Variants in RAB28 observed in about 807,000 individuals in gnomAD.
RAB28 encodes the protein RAB28, member RAS oncogene family, also known as ras-related protein Rab-28.
Under a neutral mutation model 31.7 loss-of-function variants are expected in RAB28, and 24 were observed. That is an observed-to-expected ratio of 0.76 (90% CI 0.55 to 1.06). The LOEUF is 1.06. RAB28 is among the 50% of genes least tolerant of loss of function. The probability of loss-of-function intolerance (pLI) is 0.00; values close to 1 mark genes in which losing one functional copy is unlikely to be tolerated. For synonymous variants in RAB28, 100 were observed against 90.4 expected, an observed-to-expected ratio of 1.11 and a Z score of -0.60; for missense variants, 254 against 258.5, an observed-to-expected ratio of 0.98 and a Z score of 0.12.
chr4:13,369,061 T>C (rs1728618979), intron 6 of RAB28, among the ~76,000 whole-genome samples: 1 of 152,130 alleles, frequency 6.6e-6, no homozygotes, highest in Admixed American at 6.6e-5. Context: ...CATAAGCCAT[T>C]ATATTTAGCG....
chr4:13,479,813 A>G (rs929681387), intron 1 of RAB28, among the ~76,000 whole-genome samples: 1 of 151,424 alleles, frequency 6.6e-6, no homozygotes, highest in African/African-American at 2.4e-5. Flanking sequence ...GAGAGTTATC[A>G]ACAGAAAAAA....
At chr4:13,403,320 T>C (rs923991380) in intron 4 of RAB28, among the ~76,000 whole-genome samples, 5 of 152,202 alleles carry the variant, frequency 3.3e-5, no homozygotes, top group African/African-American at 4.8e-5. Flanking sequence ...TAGCAGGTCA[T>C]AGAAAAACAG....
intron 6 of RAB28, among the ~76,000 whole-genome samples, chr4:13,373,264 G>A (rs892517404): frequency 2.0e-5 from 3 of 151,150 alleles, no homozygotes; most frequent in Non-Finnish European, 2.9e-5. Flanking sequence ...AAAGGTCTAT[G>A]TACTTTGCAA....
chr4:13,375,461 T>A (rs1728881557), intron 6 of RAB28, among the ~76,000 whole-genome samples: 1 of 152,088 alleles, frequency 6.6e-6, no homozygotes, highest in Non-Finnish European at 1.5e-5. Context: ...ACAGAGAAGC[T>A]AAAAAGCAAA....
Position 13,371,461 on chromosome 4 carries a change from C to T in RAB28, c.574-2811G>A, listed in dbSNP as rs1278662568. On this transcript the variant is annotated intron_variant, in intron 6 of 6. Transcript: ENST00000330852. ...TTTAAGTCTTATCCTATAAACACAACCAGATTACTGTCCTGTGCTCAAAAC... is the reference window on the plus strand; with the variant it reads ...TTTAAGTCTTATCCTATAAACACAATCAGATTACTGTCCTGTGCTCAAAAC... The T allele has an allele frequency of 4.1e-6, 4 of 985,184 alleles. No homozygotes were observed. In the African/African-American group the frequency reaches 7.0e-5, roughly 17 times the overall value. The allele number at this position is 985,184 out of a possible 1,614,324, so 61.0% of individuals were successfully genotyped here.
intron 3 of RAB28, among the ~76,000 whole-genome samples, chr4:13,464,205 C>T (rs912887289): frequency 6.6e-6 from 1 of 152,020 alleles, no homozygotes. Context: ...ATGGATATAC[C>T]ACCAGATTCC....
rs2108982339 is a variant in RAB28 at position 13,484,209 on chromosome 4, T to C, written c.-59A>G. 1 of 1,311,378 alleles carries C rather than the reference T, an allele frequency of 7.6e-7. No homozygotes were observed. The highest frequency in any genetic ancestry group is 1.1e-6 in the Non-Finnish European group (1 of 932,424). 81.2% of individuals were successfully genotyped at this position (1,311,378 alleles called of 1,614,324 possible). A position where few individuals can be genotyped will look rare whatever the true frequency, so the allele number is the denominator to read the frequency against. ...GGGGGGGGAAGGGAAGGATGAAGGC[T>C]CCGGGGGCGGGGGAGAGGAGGAAGG... On this transcript the variant is annotated 5_prime_UTR_variant, in exon 1 of 7. Transcript: ENST00000330852.
chr4:13,461,383 T>G (rs930283645), intron 3 of RAB28, among the ~76,000 whole-genome samples: 1 of 152,190 alleles, frequency 6.6e-6, no homozygotes, highest in African/African-American at 2.4e-5. Flanking sequence ...TTTCTTAAAC[T>G]AACCCTTCAT....
At chr4:13,406,935 C>T (rs965653538) in intron 4 of RAB28, among the ~76,000 whole-genome samples, 2 of 152,098 alleles carry the variant, frequency 1.3e-5, no homozygotes, top group African/African-American at 4.8e-5. Flanking sequence ...AAATTTTCTC[C>T]CATTCTATAG....
intron 6 of RAB28, chr4:13,370,062 A>C: frequency 1.3e-6 from 2 of 1,488,084 alleles, no homozygotes; most frequent in Admixed American, 2.3e-5. Flanking sequence ...TATAGAAGGA[A>C]ACACCAAAGT....
chr4:13,428,724 A>C (rs1332937323), intron 4 of RAB28, among the ~76,000 whole-genome samples: 1 of 152,180 alleles, frequency 6.6e-6, no homozygotes, highest in African/African-American at 2.4e-5. Context: ...AAAAGCAGAA[A>C]GGTTATTTGA....
At chr4:13,373,046 G>A (rs1187767333) in intron 6 of RAB28, among the ~76,000 whole-genome samples, 1 of 151,944 alleles carries the variant, frequency 6.6e-6, no homozygotes, top group African/African-American at 2.4e-5. Context: ...TTTATTAATT[G>A]GCAAGTAAAA....
Position 13,460,807 on chromosome 4 carries a change from T to C in RAB28, c.283A>G (p.Ile95Val). The C allele has an allele frequency of 6.2e-7, 1 of 1,613,180 alleles. No homozygotes were observed. Among genetic ancestry groups the C allele is most frequent in the Non-Finnish European group, 8.5e-7 (1 of 1,179,280 alleles). The change falls in exon 4 of 7, where the codon ATT becomes GTT. Residue 95 changes from isoleucine (I) to valine (V), a missense_variant. Ile to Val is a conservative substitution (Grantham distance 29). Transcript: ENST00000330852. ...GAQGVLLVYDITNYQSFENLE... is the reference protein window; with the variant it reads ...GAQGVLLVYDVTNYQSFENLE... Reference sequence around the variant, plus strand: ...TTCTCAAAGCTTTGATAATTTGTAATATCATATACCAAGAGGACTCCCTGT... The same window carrying C: ...TTCTCAAAGCTTTGATAATTTGTAACATCATATACCAAGAGGACTCCCTGT...
At chr4:13,380,046 C>G (rs941108785) in intron 5 of RAB28, among the ~76,000 whole-genome samples, 1 of 151,820 alleles carries the variant, frequency 6.6e-6, no homozygotes, top group African/African-American at 2.4e-5. Flanking sequence ...TCTGAAATGG[C>G]AAAAAAAGCC....
intron 4 of RAB28, among the ~76,000 whole-genome samples, chr4:13,392,854 C>T (rs1729701159): frequency 6.6e-6 from 1 of 152,094 alleles, no homozygotes; most frequent in African/African-American, 2.4e-5. Context: ...ATGCTGTAAA[C>T]AATAAATATA....
Position 13,376,465 on chromosome 4 carries a change from T to C in RAB28, c.573+80A>G, listed in dbSNP as rs1728925046. 7.9e-6 allele frequency: 8 copies of C among 1,007,252 alleles called. No individual in the cohort carries two copies. The South Asian group carries it at 9.6e-5, about 12-fold the overall frequency. The allele number at this position is 1,007,252 out of a possible 1,614,324, so 62.4% of individuals were successfully genotyped here. On this transcript the variant is annotated intron_variant, in intron 6 of 6. Transcript: ENST00000330852. ...GAGATACGTACACAGAAGGCATAAA[T>C]GGGAAAGAATTTATGGGTGAAAATT...
At chr4:13,371,533 T>C in intron 6 of RAB28, 5 of 985,254 alleles carry the variant, frequency 5.1e-6, no homozygotes, top group Non-Finnish European at 6.0e-6. Context: ...GATTTCATTA[T>C]TAATTTTCAT....
At chr4:13,426,844 G>T (rs980028690) in intron 4 of RAB28, among the ~76,000 whole-genome samples, 25 of 152,096 alleles carry the variant, frequency 1.6e-4, no homozygotes, top group African/African-American at 6.0e-4. Context: ...TTACTCTCAA[G>T]ATTATGACTA....
chr4:13,429,508 T>C (rs1713688987), intron 4 of RAB28, among the ~76,000 whole-genome samples: 1 of 152,240 alleles, frequency 6.6e-6, no homozygotes, highest in African/African-American at 2.4e-5. Context: ...AAATATGAAA[T>C]TAAGAAAGCA....
Sources: gnomAD v4.1 joint callset for allele counts (sites outside exome capture counted in the v4.1 genomes callset) on GRCh38, gnomAD v4.1.1 for gene constraint, MANE v1.5 for transcripts, NCBI Gene and HGNC (gene_info 2026-07-23, HGNC 2026-07-21) for gene names.